The following KIF17 variants were observed in gnomAD, a reference collection of about 807,000 sequenced individuals.
KIF17 encodes the protein kinesin-like protein KIF17.
A neutral mutation model predicts 96.8 loss-of-function variants in KIF17; 80 were observed. The observed-to-expected ratio is 0.83, with a 90% CI of 0.69 to 1.00. KIF17 has a LOEUF of 1.00. Ranked by LOEUF, KIF17 falls within the 50% of genes least tolerant of loss-of-function variation. The pLI, the probability that KIF17 is intolerant of heterozygous loss-of-function variation, is 0.00. For synonymous variants in KIF17, 567 were observed against 587.5 expected (o/e 0.97, Z 0.51); for missense variants, 1,280 against 1,372.9 (o/e 0.93, Z 1.07).
chr1:20,717,029 C>T (rs910890684), intron 1 of KIF17, among the ~76,000 whole-genome samples: 2 of 152,198 alleles, frequency 1.3e-5, no homozygotes, highest in Non-Finnish European at 2.9e-5. Context: ...CCCATCTTGC[C>T]AGTGAGGGAA....
intron 2 of KIF17, among the ~76,000 whole-genome samples, chr1:20,714,189 T>C (rs541880409): frequency 8.5e-5 from 13 of 152,272 alleles, no homozygotes; most frequent in Admixed American, 2.6e-4. Flanking sequence ...TAGCCAGGCA[T>C]GGTGGTGGGT....
chr1:20,668,188 T>C (rs549812758), intron 13 of KIF17, among the ~76,000 whole-genome samples: 1 of 151,814 alleles, frequency 6.6e-6, no homozygotes, highest in South Asian at 2.1e-4. Context: ...CAGGCACCTG[T>C]AGTCCCAGCT....
chr1:20,683,238 T>C (rs917688275), intron 10 of KIF17, among the ~76,000 whole-genome samples: 26 of 152,196 alleles, frequency 1.7e-4, no homozygotes, highest in African/African-American at 6.0e-4. Context: ...GAACCCTGGG[T>C]TGTGAAAAAT....
At chr1:20,690,475 A>G (rs948940910) in intron 6 of KIF17, 140 bp from the exon 7 acceptor site, 14 of 747,690 alleles carry the variant, frequency 1.9e-5, no homozygotes, top group African/African-American at 3.5e-5. Context: ...CAACACTGTG[A>G]TAATTACTTG....
At position 20,709,711 on chromosome 1, in the gene KIF17, A is replaced by G; in HGVS notation, c.598T>C (p.Tyr200His). Residue 200 changes from tyrosine to histidine, a missense_variant, in exon 4 of 15, where the codon TAC becomes CAC. Transcript: ENST00000400463. The surrounding 1 kb of genome is among the most constrained non-coding windows in gnomAD (Gnocchi z 4.7). Reference protein sequence around the residue: ...ETGWKNRSVGYTLMNKDSSRS... With the variant: ...ETGWKNRSVGHTLMNKDSSRS... ...GAGGAATCCTTGTTCATCAGCGTGT[A>G]GCCGACCGAACGGTTCTTCCAGCCA... 2 of 1,614,130 alleles carry G rather than the reference A, an allele frequency of 1.2e-6. No homozygotes were observed. Among genetic ancestry groups the G allele is most frequent in the Non-Finnish European group, 1.7e-6 (2 of 1,180,042 alleles).
intron 11 of KIF17, among the ~76,000 whole-genome samples, chr1:20,681,013 C>G (rs1445380405): frequency 1.3e-5 from 2 of 150,572 alleles, no homozygotes; most frequent in East Asian, 4.1e-4. Context: ...GTAGTCCCAG[C>G]TACTCGGGAG....
At chr1:20,702,577 C>A (rs2054255735) in intron 5 of KIF17, among the ~76,000 whole-genome samples, 1 of 152,154 alleles carries the variant, frequency 6.6e-6, no homozygotes, top group South Asian at 2.1e-4. Context: ...CCACCCCAGT[C>A]CTGCCTGACC....
rs1217362181 is a variant in KIF17, at chr1:20,699,895, G to C, written c.1124-1407C>G. ...CTTTGGCTGTGACTCTGGGTTGAAC[G>C]AGGCAGGTGTGCACAGGGCAGTCAC... On this transcript the variant is annotated intron_variant, in intron 5 of 14. Coordinates refer to ENST00000400463, the MANE Select transcript of KIF17 (RefSeq NM_001122819.3). The surrounding 1 kb of genome is among the most constrained non-coding windows in gnomAD (Gnocchi z 4.3). Among the ~76,000 whole-genome samples the C allele has an allele frequency of 6.6e-6, 1 of 152,170 alleles. No individual in the cohort carries two copies. The highest frequency in any genetic ancestry group is 1.5e-5 in the Non-Finnish European group (1 of 68,030).
chr1:20,690,736 G>C (rs1040879134), intron 6 of KIF17, among the ~76,000 whole-genome samples: 3 of 151,728 alleles, frequency 2.0e-5, no homozygotes, highest in African/African-American at 7.3e-5. Flanking sequence ...GCCCAGGCTG[G>C]AGTGCAGTGG....
At chr1:20,671,599 T>G (rs999502355) in intron 12 of KIF17, among the ~76,000 whole-genome samples, 3 of 152,016 alleles carry the variant, frequency 2.0e-5, no homozygotes, top group Non-Finnish European at 4.4e-5. Context: ...CCTCCCAAAG[T>G]GCTGGGATTA....
chr1:20,704,933 C>T lies in KIF17; in HGVS notation c.671-34G>A, dbSNP rs554544036. 60 of 1,577,634 alleles carry T rather than the reference C, an allele frequency of 3.8e-5. 1 individual carries two copies. In the East Asian group the frequency reaches 6.0e-4, roughly 16 times the overall value. ...AGACCAGGCAAAGTGGCGAGGGCCT[C>T]GGGTGAGCCCTATGTATCGAGGGCA... On this transcript the variant is annotated intron_variant, in intron 4 of 14. Transcript: ENST00000400463. This position sits in a 1 kb window ranked among gnomAD's most constrained non-coding sequence, Gnocchi z 6.8.
chr1:20,702,003 G>A (rs1303531125), intron 5 of KIF17, among the ~76,000 whole-genome samples: 1 of 152,230 alleles, frequency 6.6e-6, no homozygotes, highest in Non-Finnish European at 1.5e-5. Flanking sequence ...AGGGAGCTTT[G>A]GGTCAGGCAC....
At chr1:20,691,764 C>A (rs1333267620) in intron 6 of KIF17, among the ~76,000 whole-genome samples, 1 of 152,068 alleles carries the variant, frequency 6.6e-6, no homozygotes, top group Non-Finnish European at 1.5e-5. Context: ...CCACCATGCC[C>A]AGCCTGCTCA....
rs2053912556 is a variant in KIF17, at chr1:20,685,028, T to G, written c.2020-8A>C. The stretch of plus-strand genomic sequence containing the variant: ...CGAGGCCAGATCTACCTCCTGAGTG[T>G]GAAGAGAAACCCAGGTGGAGGTGGG... On this transcript the variant is annotated splice_region_variant and splice_polypyrimidine_tract_variant and intron_variant, in intron 9 of 14. Transcript: ENST00000400463. This position sits in a 1 kb window ranked among gnomAD's most constrained non-coding sequence, Gnocchi z 4.1. 1 of 1,579,936 alleles carries G rather than the reference T, an allele frequency of 6.3e-7. No individual in the cohort carries two copies. Among genetic ancestry groups the G allele is most frequent in the African/African-American group, 1.4e-5 (1 of 73,966 alleles).
At chr1:20,679,257 C>T (rs905972137) in intron 11 of KIF17, among the ~76,000 whole-genome samples, 2 of 151,808 alleles carry the variant, frequency 1.3e-5, no homozygotes, top group Admixed American at 6.6e-5. Context: ...ACAGCAAGAC[C>T]CCCAGGAGTT....
rs546367267 is a variant in KIF17, at chr1:20,714,485, G to A, written c.379-930C>T. Reference sequence around the variant, plus strand: ...AGCCTGGGCGAAAGAGCAAGACTCCGTCTCAAAAACAAAAACAAAAACAAA... The same window carrying A: ...AGCCTGGGCGAAAGAGCAAGACTCCATCTCAAAAACAAAAACAAAAACAAA... On this transcript the variant is annotated intron_variant, in intron 2 of 14. Coordinates refer to ENST00000400463, the MANE Select transcript of KIF17 (RefSeq NM_001122819.3). 9.2e-5 allele frequency among the ~76,000 whole-genome samples: 14 copies of A among 151,750 alleles called. No individual in the cohort carries two copies. In the South Asian group the frequency reaches 1.2e-3, roughly 14 times the overall value.
chr1:20,716,889 G>A (rs2054587256), intron 1 of KIF17, among the ~76,000 whole-genome samples: 1 of 152,170 alleles, frequency 6.6e-6, no homozygotes, highest in Non-Finnish European at 1.5e-5. Context: ...CCTTAGTGTG[G>A]GCTTGGGGTG....
rs2053491333 is a variant in KIF17, at chr1:20,664,588, A to G, written c.3083T>C (p.Leu1028Pro). The change falls in exon 15 of 15, where the codon CTG (leucine) becomes CCG (proline). Residue 1028 changes from leucine to proline, a missense_variant. Coordinates refer to ENST00000400463, the MANE Select transcript of KIF17 (RefSeq NM_001122819.3). ...KSKSNFGSEP[L>P] ...GGCAATGGCAAGCAGCTGTGCTCAC[A>G]GAGGCTCACTGCCAAAGTTGCTTTT... 6.2e-7 allele frequency: 1 copy of G among 1,613,158 alleles called. No homozygotes were observed. Among genetic ancestry groups the G allele is most frequent in the African/African-American group, 1.3e-5 (1 of 74,762 alleles).
chr1:20,711,394 C>T (rs1454809217), intron 3 of KIF17, among the ~76,000 whole-genome samples: 2 of 152,150 alleles, frequency 1.3e-5, no homozygotes, highest in Non-Finnish European at 2.9e-5. Context: ...ACCCCCGACG[C>T]CTGGGGAGGC....
Sources: gnomAD v4.1 joint callset for allele counts (sites outside exome capture counted in the v4.1 genomes callset) on GRCh38, gnomAD v4.1.1 for gene constraint, Gnocchi (gnomAD v3.1) non-coding constraint, MANE v1.5 for transcripts, NCBI Gene and HGNC (gene_info 2026-07-23, HGNC 2026-07-21) for gene names.